Variants in LRP12 observed in about 807,000 individuals in gnomAD.
LRP12 encodes the protein low-density lipoprotein receptor-related protein 12.
In LRP12, 14 loss-of-function variants were observed where a neutral mutation model predicts 66.0. The ratio of observed to expected loss-of-function variants is 0.21; its 90% CI spans 0.14 to 0.33. LRP12 has a LOEUF of 0.33. Ranked by LOEUF, LRP12 falls within the 10% of genes least tolerant of loss-of-function variation. The pLI, the probability that LRP12 is intolerant of heterozygous loss-of-function variation, is 1.00. For missense variants in LRP12, 889 were observed against 1,053.4 expected (o/e 0.84, Z 2.16); for synonymous variants, 357 against 359.1 (o/e 0.99, Z 0.07).
chr8:104,588,342 G>C (rs1286586656), intron 1 of LRP12, among the ~76,000 whole-genome samples: 1 of 152,190 alleles, frequency 6.6e-6, no homozygotes, highest in Non-Finnish European at 1.5e-5. Context: ...AATCGAGTAG[G>C]ACAAGGGCTG....
intron 1 of LRP12, among the ~76,000 whole-genome samples, chr8:104,554,203 A>G (rs75850267): frequency 0.031 from 4,651 of 152,228 alleles, 236 homozygotes; most frequent in African/African-American, 0.11. Context: ...CTGGCACTAT[A>G]ACAAAACAAA....
At chr8:104,546,576 A>G (rs1054609207) in intron 1 of LRP12, among the ~76,000 whole-genome samples, 31 of 152,120 alleles carry the variant, frequency 2.0e-4, no homozygotes, top group African/African-American at 7.5e-4. Flanking sequence ...TTTCTCATAC[A>G]ATTAACTTAG....
chr8:104,499,808 TGTACG>T (rs150893312), intron 3 of LRP12, among the ~76,000 whole-genome samples: 4,639 of 152,252 alleles, frequency 0.03, 224 homozygotes, highest in African/African-American at 0.11. Flanking sequence ...CTTCTCTGTG[TGTACG>T]GTTGGGAAAG....
At chr8:104,517,338 T>C (rs1381573586) in intron 2 of LRP12, among the ~76,000 whole-genome samples, 1 of 151,836 alleles carries the variant, frequency 6.6e-6, no homozygotes, top group African/African-American at 2.4e-5. Flanking sequence ...GAGAAGGTTA[T>C]GCTTGACTAT....
intron 1 of LRP12, among the ~76,000 whole-genome samples, chr8:104,564,788 C>T (rs1014882804): frequency 6.6e-6 from 1 of 151,942 alleles, no homozygotes; most frequent in African/African-American, 2.4e-5. Flanking sequence ...CAAAAATTAG[C>T]TGGGCATGGT....
At chr8:104,527,421 T>C (rs1348174349) in intron 2 of LRP12, among the ~76,000 whole-genome samples, 12 of 151,136 alleles carry the variant, frequency 7.9e-5, no homozygotes, top group African/African-American at 2.9e-4. Flanking sequence ...AGCAAAGACT[T>C]GGAACCAACC....
At chr8:104,496,084 AG>A (rs35153605) in intron 5 of LRP12, 2 of 152,212 alleles carry the variant, frequency 1.3e-5, no homozygotes, top group African/African-American at 2.4e-5. Flanking sequence ...TTGTCTCCAC[AG>A]GGACATCTCT....
chr8:104,500,661 C>T (rs1345992720), intron 3 of LRP12, among the ~76,000 whole-genome samples: 1 of 152,202 alleles, frequency 6.6e-6, no homozygotes, highest in Non-Finnish European at 1.5e-5. Flanking sequence ...CGAGACTGTG[C>T]CACTGCACTC....
chr8:104,542,670 C>G (rs1459758134), intron 1 of LRP12, among the ~76,000 whole-genome samples: 3 of 152,162 alleles, frequency 2.0e-5, no homozygotes, highest in East Asian at 3.9e-4. Context: ...CTTCTAGGAG[C>G]CTATTGCTGA....
chr8:104,530,605 T>C (rs1008789040), intron 2 of LRP12, among the ~76,000 whole-genome samples: 3 of 152,298 alleles, frequency 2.0e-5, no homozygotes, highest in South Asian at 4.1e-4. Context: ...ACAGTAGTAT[T>C]TTGTTGCAGC....
chr8:104,566,605 T>A (rs891495176), intron 1 of LRP12, among the ~76,000 whole-genome samples: 3 of 152,230 alleles, frequency 2.0e-5, no homozygotes, highest in African/African-American at 7.2e-5. Flanking sequence ...AACTTGTGAT[T>A]TGTAAAGTAC....
chr8:104,585,874 A>T (rs1051625118), intron 1 of LRP12, among the ~76,000 whole-genome samples: 1 of 152,244 alleles, frequency 6.6e-6, no homozygotes, highest in Non-Finnish European at 1.5e-5. Context: ...GAGCAAGACT[A>T]ACAGCTTCTA....
chr8:104,587,961 AG>A (rs1564151949), intron 1 of LRP12, among the ~76,000 whole-genome samples: 1 of 152,182 alleles, frequency 6.6e-6, no homozygotes. Flanking sequence ...AATTATCTTA[AG>A]AGATAGATGT....
Position 104,489,843 on chromosome 8 carries a change from T to C in LRP12, c.*830A>G, listed in dbSNP as rs1450204016. The C allele has an allele frequency of 6.6e-6, 1 of 152,612 alleles. No individual in the cohort carries two copies. The highest frequency in any genetic ancestry group is 1.5e-5 in the Non-Finnish European group (1 of 68,038). 9.5% of individuals were successfully genotyped at this position (152,612 alleles called of 1,614,324 possible). A position where few individuals can be genotyped will look rare whatever the true frequency, so the allele number is the denominator to read the frequency against. On this transcript the variant is annotated 3_prime_UTR_variant, in exon 7 of 7. Coordinates refer to ENST00000276654, the MANE Select transcript of LRP12 (RefSeq NM_013437.5). ...GGTCCAATGCAAGCGCAACCCTGTA[T>C]TAGGGAAAGACATTACCAGGTGGAA...
At chr8:104,573,155 C>T (rs987060485) in intron 1 of LRP12, among the ~76,000 whole-genome samples, 1 of 152,188 alleles carries the variant, frequency 6.6e-6, no homozygotes. Flanking sequence ...AATCTCCCAT[C>T]CTTTGTACCT....
intron 1 of LRP12, among the ~76,000 whole-genome samples, chr8:104,580,358 T>TACAAAAAAAAAA (rs1554712302): frequency 7.6e-5 from 7 of 92,096 alleles, no homozygotes; most frequent in South Asian, 7.0e-4. Flanking sequence ...CTACTAAAAA[T>TACAAAAAAAAAA]AAAAAAAAAA....
intron 1 of LRP12, among the ~76,000 whole-genome samples, chr8:104,563,697 C>A (rs1372784091): frequency 1.3e-5 from 2 of 152,024 alleles, no homozygotes; most frequent in Non-Finnish European, 2.9e-5. Flanking sequence ...AAAGGGACCC[C>A]AGAGAACTAG....
intron 2 of LRP12, among the ~76,000 whole-genome samples, chr8:104,519,279 G>A (rs1245915226): frequency 6.6e-6 from 1 of 152,056 alleles, no homozygotes; most frequent in East Asian, 1.9e-4. Context: ...GATGGACAGA[G>A]TTGGAAGGGG....
chr8:104,578,909 G>T (rs545290195), intron 1 of LRP12, among the ~76,000 whole-genome samples: 2 of 151,910 alleles, frequency 1.3e-5, no homozygotes, highest in Non-Finnish European at 2.9e-5. Flanking sequence ...AGTAAACAAG[G>T]TATTAAGAAA....
Sources: gnomAD v4.1 joint callset for allele counts (sites outside exome capture counted in the v4.1 genomes callset) on GRCh38, gnomAD v4.1.1 for gene constraint, MANE v1.5 for transcripts, NCBI Gene and HGNC (gene_info 2026-07-23, HGNC 2026-07-21) for gene names.